Variants in NLGN1 observed in about 807,000 individuals in gnomAD.
NLGN1 encodes neuroligin-1.
NLGN1 carries 12 observed loss-of-function variants against 65.5 expected under a neutral mutation model. The observed-to-expected ratio is 0.18, with a 90% CI of 0.12 to 0.30. The LOEUF (loss-of-function observed/expected upper bound fraction) is 0.30. NLGN1 is among the 10% of genes least tolerant of loss of function. The pLI, the probability that NLGN1 is intolerant of heterozygous loss-of-function variation, is 1.00. For missense variants in NLGN1, 750 were observed against 1,007.1 expected (o/e 0.74, Z 3.46); for synonymous variants, 350 against 359.5 (o/e 0.97, Z 0.30).
At chr3:173,952,753 T>C (rs988818706) in intron 4 of NLGN1, among the ~76,000 whole-genome samples, 1 of 152,122 alleles carries the variant, frequency 6.6e-6, no homozygotes, top group Non-Finnish European at 1.5e-5. Context: ...TTACTACTAG[T>C]TTTTTTAAGT....
intron 3 of NLGN1, among the ~76,000 whole-genome samples, chr3:173,740,355 C>T (rs1774459601): frequency 6.6e-6 from 1 of 152,072 alleles, no homozygotes; most frequent in Non-Finnish European, 1.5e-5. Context: ...TTATTTAACA[C>T]TGGATTCCTA....
chr3:173,396,482 A>G (rs1716652765), upstream of NLGN1: 2 of 152,228 alleles, frequency 1.3e-5, no homozygotes, highest in African/African-American at 2.4e-5. Context: ...ACGCGTGCCC[A>G]AGGGCCTGGT....
At chr3:173,564,713 G>A (rs1268824012) in intron 2 of NLGN1, among the ~76,000 whole-genome samples, 1 of 152,218 alleles carries the variant, frequency 6.6e-6, no homozygotes, top group African/African-American at 2.4e-5. Flanking sequence ...TGTTGGACAT[G>A]TTGCAAACAC....
intron 4 of NLGN1, among the ~76,000 whole-genome samples, chr3:174,047,797 T>A (rs987144612): frequency 1.4e-5 from 2 of 144,004 alleles, no homozygotes; most frequent in African/African-American, 5.5e-5. Context: ...TCTAAATATT[T>A]GAGATAGTAA....
intron 4 of NLGN1, among the ~76,000 whole-genome samples, chr3:173,966,724 A>C (rs1579463523): frequency 6.6e-6 from 1 of 152,350 alleles, no homozygotes; most frequent in East Asian, 1.9e-4. Flanking sequence ...AGTTGAATAA[A>C]GCATAATATA....
chr3:173,440,350 C>G (rs1408943810), intron 2 of NLGN1, among the ~76,000 whole-genome samples: 1 of 152,054 alleles, frequency 6.6e-6, no homozygotes, highest in Non-Finnish European at 1.5e-5. Context: ...TTGATCTCCT[C>G]CTGTGAATCA....
chr3:173,765,052 ATGTGTGTGTGTGTGTGTGTG>A (rs55747253), intron 3 of NLGN1, among the ~76,000 whole-genome samples: 26 of 136,286 alleles, frequency 1.9e-4, no homozygotes, highest in Non-Finnish European at 3.1e-4. Flanking sequence ...CTGTGGGTGC[ATGTGTGTGTGTGTGTGTGTG>A]TGTGTGTGTG....
At chr3:173,547,106 C>T (rs961248078) in intron 2 of NLGN1, among the ~76,000 whole-genome samples, 1 of 152,126 alleles carries the variant, frequency 6.6e-6, no homozygotes, top group Non-Finnish European at 1.5e-5. Flanking sequence ...AAACTTGGGA[C>T]TCGAAAGACT....
intron 4 of NLGN1, among the ~76,000 whole-genome samples, chr3:173,926,623 G>A (rs986877268): frequency 5.3e-5 from 8 of 152,058 alleles, no homozygotes; most frequent in African/African-American, 1.4e-4. Flanking sequence ...AGTGAATCTC[G>A]TTTCTTTTAC....
chr3:173,579,220 C>T (rs965387079), intron 2 of NLGN1, among the ~76,000 whole-genome samples: 2 of 152,182 alleles, frequency 1.3e-5, no homozygotes, highest in African/African-American at 4.8e-5. Context: ...AGTGGCTATG[C>T]CTGTAATCCC....
intron 4 of NLGN1, among the ~76,000 whole-genome samples, chr3:174,120,308 A>C (rs13327890): frequency 0.083 from 12,658 of 151,948 alleles, 1,185 homozygotes; most frequent in African/African-American, 0.23. Context: ...CAACATGGCA[A>C]AGCCCCATCT....
chr3:174,076,791 G>A (rs1286257449), intron 4 of NLGN1, among the ~76,000 whole-genome samples: 1 of 151,420 alleles, frequency 6.6e-6, no homozygotes, highest in African/African-American at 2.4e-5. Flanking sequence ...ATGTACATAT[G>A]TGTGTTTCTA....
intron 4 of NLGN1, among the ~76,000 whole-genome samples, chr3:173,959,358 G>A (rs1048181043): frequency 2.6e-5 from 4 of 152,198 alleles, no homozygotes; most frequent in Non-Finnish European, 5.9e-5. Context: ...CAAACCAGAA[G>A]CAGGAAACAC....
rs190330339 is a variant in NLGN1, at chr3:174,233,582, A to G, written c.647-41733A>G. Among the ~76,000 whole-genome samples, 35 of 152,180 alleles carry G rather than the reference A, an allele frequency of 2.3e-4. No homozygotes were observed. In the East Asian group the frequency reaches 5.4e-3, roughly 24 times the overall value. ...ACAAGAATGCTATATGTGTCATACA[A>G]TTTGTGTGATAACATCAAGGTTGAC... is the stretch of plus-strand genomic sequence containing the variant. On this transcript the variant is annotated intron_variant, in intron 4 of 6. Coordinates refer to ENST00000457714, the Ensembl canonical transcript of NLGN1.
At chr3:173,851,021 A>G (rs1233294893) in intron 4 of NLGN1, among the ~76,000 whole-genome samples, 1 of 152,200 alleles carries the variant, frequency 6.6e-6, no homozygotes, top group African/African-American at 2.4e-5. Context: ...CTGGGATTAC[A>G]GAAATGAGCC....
chr3:174,004,996 T>A (rs1488473004), intron 4 of NLGN1, among the ~76,000 whole-genome samples: 3 of 152,194 alleles, frequency 2.0e-5, no homozygotes, highest in Non-Finnish European at 4.4e-5. Flanking sequence ...ATATTTAAGA[T>A]AACAAGTCCG....
At chr3:173,483,445 A>G (rs138245042) in intron 2 of NLGN1, among the ~76,000 whole-genome samples, 206 of 152,176 alleles carry the variant, frequency 1.4e-3, no homozygotes, top group African/African-American at 4.7e-3. Context: ...CCACAAATTA[A>G]TATAATTAAT....
intron 4 of NLGN1, among the ~76,000 whole-genome samples, chr3:174,221,751 A>G (rs2152806180): frequency 6.6e-6 from 1 of 152,164 alleles, no homozygotes; most frequent in Non-Finnish European, 1.5e-5. Context: ...CACCCTTTTA[A>G]GCTTCTAGGA....
At chr3:173,460,226 G>A (rs1172231263) in intron 2 of NLGN1, among the ~76,000 whole-genome samples, 1 of 151,882 alleles carries the variant, frequency 6.6e-6, no homozygotes, top group African/African-American at 2.4e-5. Flanking sequence ...TGCATTGTAG[G>A]TATTTATGAA....
Sources: allele counts gnomAD v4.1 joint callset (sites outside exome capture counted in the v4.1 genomes callset), GRCh38; gene constraint gnomAD v4.1.1; transcripts MANE v1.5; gene names NCBI Gene and HGNC (gene_info 2026-07-23, HGNC 2026-07-21).